Variants in REEP1 observed in about 807,000 individuals in gnomAD.
REEP1 encodes receptor accessory protein 1, also known as receptor expression-enhancing protein 1.
In REEP1, 22 loss-of-function variants were observed where a neutral mutation model predicts 40.3. The observed-to-expected ratio is 0.55, with a 90% CI of 0.39 to 0.78. REEP1 has a LOEUF of 0.78. REEP1 is among the 30% of genes least tolerant of loss of function. The pLI, the probability that REEP1 is intolerant of heterozygous loss-of-function variation, is 0.00. For synonymous variants in REEP1, 116 were observed against 139.2 expected (o/e 0.83, Z 1.17); for missense variants, 280 against 361.1 (o/e 0.78, Z 1.82).
intron 1 of REEP1, among the ~76,000 whole-genome samples, chr2:86,292,289 A>G (rs1201535025): frequency 7.2e-5 from 11 of 152,242 alleles, no homozygotes; most frequent in Admixed American, 3.9e-4. Flanking sequence ...TGAATGACAA[A>G]TATCAGTTCC....
At chr2:86,325,594 G>A (rs1255471802) in intron 1 of REEP1, among the ~76,000 whole-genome samples, 1 of 152,126 alleles carries the variant, frequency 6.6e-6, no homozygotes. Flanking sequence ...AAGATGTAAG[G>A]GCAGAACAGA....
chr2:86,317,349 T>C (rs1680065040), intron 1 of REEP1, among the ~76,000 whole-genome samples: 1 of 152,166 alleles, frequency 6.6e-6, no homozygotes, highest in South Asian at 2.1e-4. Context: ...GGTGTGGAAT[T>C]AGAGTTGAAT....
intron 1 of REEP1, among the ~76,000 whole-genome samples, chr2:86,319,873 T>A (rs547812759): frequency 6.6e-6 from 1 of 152,024 alleles, no homozygotes; most frequent in African/African-American, 2.4e-5. Flanking sequence ...GAGGCAGAGA[T>A]TAAAGTGACG....
In REEP1 at chr2:86,254,680, G is replaced by A. The variant is rs750191800; in HGVS notation, c.303+14C>T. On this transcript the variant is annotated intron_variant, in intron 4 of 8. Transcript: ENST00000538924. ...CTTGCTAGAAAGAATGAAAGACATGGCAGCATATATTACCTTTTCTTTTGA... is the reference window on the plus strand; with the variant it reads ...CTTGCTAGAAAGAATGAAAGACATGACAGCATATATTACCTTTTCTTTTGA... The A allele has an allele frequency of 6.2e-7, 1 of 1,611,558 alleles. No individual in the cohort carries two copies. Among genetic ancestry groups the A allele is most frequent in the Non-Finnish European group, 8.5e-7 (1 of 1,177,790 alleles).
rs1444398866 is a variant in REEP1, at chr2:86,214,393, G to A, written c.*2646C>T. The A allele has an allele frequency of 6.6e-6, 1 of 152,610 alleles. No individual in the cohort carries two copies. Among genetic ancestry groups the A allele is most frequent in the East Asian group, 1.9e-4 (1 of 5,188 alleles). The allele number at this position is 152,610 out of a possible 1,614,324, so 9.5% of individuals were successfully genotyped here. ...AAGCTATTCACACAAAGCCAGGAGG[G>A]ATTATGACTAAACTCTCCAGTTTAT... On this transcript the variant is annotated 3_prime_UTR_variant, in exon 9 of 9. Transcript: ENST00000538924.
intron 5 of REEP1, 191 bp downstream of exon 5, chr2:86,251,766 T>G: frequency 1.6e-6 from 1 of 641,394 alleles, no homozygotes; most frequent in Non-Finnish European, 2.8e-6. Context: ...TATGTGGGCA[T>G]GTGTGTTGGG....
chr2:86,227,405 G>A lies in REEP1; in HGVS notation c.596-7C>T. ...GTGGAGCAGCAGGTACACACTGTGG[G>A]AATGGGGTAGGGGCACCATCAGTGA... is the stretch of plus-strand genomic sequence containing the variant. On this transcript the variant is annotated splice_polypyrimidine_tract_variant and splice_region_variant and intron_variant, in intron 6 of 8. Coordinates refer to ENST00000538924, the MANE Select transcript of REEP1 (RefSeq NM_001371279.1). 1 of 1,232,402 alleles carries A rather than the reference G, an allele frequency of 8.1e-7. No homozygotes were observed. The allele number at this position is 1,232,402 out of a possible 1,614,324, so 76.3% of individuals were successfully genotyped here.
rs750538296 is a variant in REEP1, at chr2:86,217,008, C to G, written c.*31G>C. 1 of 1,591,214 alleles carries G rather than the reference C, an allele frequency of 6.3e-7. No individual in the cohort carries two copies. Among genetic ancestry groups the G allele is most frequent in the Admixed American group, 1.7e-5 (1 of 59,990 alleles). On this transcript the variant is annotated 3_prime_UTR_variant, in exon 9 of 9. Transcript: ENST00000538924. ...CTCTTTAAGGCAGAGAAGAAACATTCTGTGGATCCGGTGCTGTTGGCTCAT... is the reference window on the plus strand; with the variant it reads ...CTCTTTAAGGCAGAGAAGAAACATTGTGTGGATCCGGTGCTGTTGGCTCAT...
intron 6 of REEP1, among the ~76,000 whole-genome samples, chr2:86,228,494 T>G (rs1039859061): frequency 6.6e-6 from 1 of 151,676 alleles, no homozygotes. Flanking sequence ...GTTTCACTCT[T>G]GTTGCCCAGG....
At chr2:86,259,551 T>TA (rs1040880820) in intron 3 of REEP1, among the ~76,000 whole-genome samples, 4 of 151,800 alleles carry the variant, frequency 2.6e-5, no homozygotes, top group African/African-American at 9.7e-5. Context: ...CACACCCAGC[T>TA]AATTTTTGTA....
chr2:86,325,746 A>G (rs1318925662), intron 1 of REEP1, among the ~76,000 whole-genome samples: 1 of 152,208 alleles, frequency 6.6e-6, no homozygotes, highest in East Asian at 1.9e-4. Flanking sequence ...TCTTGATTTT[A>G]GCCCCAAAAG....
At chr2:86,296,841 G>A (rs67407963) in intron 1 of REEP1, among the ~76,000 whole-genome samples, 51,967 of 152,092 alleles carry the variant, frequency 0.34, 9,828 homozygotes, top group Middle Eastern at 0.45. Flanking sequence ...TGTGCAACAA[G>A]AGTGAAACTC....
rs146212299 is a variant in REEP1 at position 86,330,155 on chromosome 2, T to C, written c.32+7324A>G. ...GGAAGTGAGAAAGATATTTCTAGTG[T>C]AGAGATTGAAGGAGTATGTCAGGAT... On this transcript the variant is annotated intron_variant, in intron 1 of 8. Transcript: ENST00000538924. Among the ~76,000 whole-genome samples the C allele has an allele frequency of 5.8e-3, 885 of 152,322 alleles. 5 individuals are homozygous for C. The highest frequency in any genetic ancestry group is 0.02 in the African/African-American group (840 of 41,572).
chr2:86,336,478 C>T (rs565996950), intron 1 of REEP1, among the ~76,000 whole-genome samples: 1 of 152,268 alleles, frequency 6.6e-6, no homozygotes, highest in Non-Finnish European at 1.5e-5. Context: ...GAGGTGCCTG[C>T]CACCCTCCTC....
At chr2:86,222,950 A>G (rs1674503346) in intron 7 of REEP1, among the ~76,000 whole-genome samples, 1 of 152,116 alleles carries the variant, frequency 6.6e-6, no homozygotes, top group African/African-American at 2.4e-5. Flanking sequence ...ACAGGTCCTT[A>G]CCCCTGGCAA....
At chr2:86,256,082 C>T (rs1018252348) in intron 3 of REEP1, among the ~76,000 whole-genome samples, 1 of 152,154 alleles carries the variant, frequency 6.6e-6, no homozygotes, top group Non-Finnish European at 1.5e-5. Context: ...GGCGCGGTGG[C>T]TCATGCCTGT....
intron 1 of REEP1, among the ~76,000 whole-genome samples, chr2:86,305,883 G>A (rs1373313313): frequency 2.6e-5 from 4 of 152,120 alleles, no homozygotes; most frequent in Non-Finnish European, 5.9e-5. Flanking sequence ...CTCACCTAGC[G>A]CCTCACTGCC....
chr2:86,251,529 C>T (rs1408034625), intron 5 of REEP1: 3 of 262,226 alleles, frequency 1.1e-5, no homozygotes, highest in South Asian at 4.6e-5. Flanking sequence ...GTCTCTCCAC[C>T]TGTCCACTGC....
intron 2 of REEP1, among the ~76,000 whole-genome samples, chr2:86,264,457 A>C (rs572604368): frequency 6.9e-6 from 1 of 144,926 alleles, no homozygotes; most frequent in Non-Finnish European, 1.5e-5. Flanking sequence ...TCTTCCTTTT[A>C]TCTCTCCCAT....
Sources: allele counts gnomAD v4.1 joint callset (sites outside exome capture counted in the v4.1 genomes callset), GRCh38; gene constraint gnomAD v4.1.1; transcripts MANE v1.5; gene names NCBI Gene and HGNC (gene_info 2026-07-23, HGNC 2026-07-21).